The following DNAI7 variants were observed in gnomAD, a reference collection of about 807,000 sequenced individuals.
DNAI7 encodes the protein cancer susceptibility 1.
In DNAI7, 78 loss-of-function variants were observed where a neutral mutation model predicts 86.6. The observed-to-expected ratio is 0.90, with a 90% CI of 0.75 to 1.09. The LOEUF (loss-of-function observed/expected upper bound fraction) is 1.09. Ranked by LOEUF, DNAI7 falls within the 50% of genes least tolerant of loss-of-function variation. The pLI is 0.00. For missense variants in DNAI7, 753 were observed against 810.2 expected, an observed-to-expected ratio of 0.93 and a Z score of 0.86; for synonymous variants, 274 against 273.0, an observed-to-expected ratio of 1.00 and a Z score of -0.04.
intron 12 of DNAI7, among the ~76,000 whole-genome samples, chr12:25,116,088 T>TC (rs1940028984): frequency 1.3e-5 from 2 of 150,664 alleles, no homozygotes; most frequent in Admixed American, 6.6e-5. Context: ...TTCTTTCTTT[T>TC]TTTTTTTTTT....
chr12:25,178,438 C>G (rs2141252327), intron 2 of DNAI7, among the ~76,000 whole-genome samples: 1 of 152,126 alleles, frequency 6.6e-6, no homozygotes, highest in African/African-American at 2.4e-5. Context: ...CCTTTTCATT[C>G]TTAATATTTA....
rs369432594 is a variant in DNAI7, at chr12:25,120,445, G to A, written c.1240-1144C>T. On this transcript the variant is annotated intron_variant, in intron 11 of 15. Coordinates refer to ENST00000395987, the MANE Select transcript of DNAI7 (RefSeq NM_018272.5). ...AAGTTAAAAATAAACCAAGTCGGCC[G>A]GGCGCGGTGGCTCACGCCTGTAATC... Among the ~76,000 whole-genome samples, 212 of 152,180 alleles carry A rather than the reference G, an allele frequency of 1.4e-3. 3 individuals carry two copies. The highest frequency in any genetic ancestry group is 4.9e-3 in the African/African-American group (204 of 41,542).
chr12:25,128,780 AT>A (rs1196583949), intron 9 of DNAI7, among the ~76,000 whole-genome samples: 23 of 152,290 alleles, frequency 1.5e-4, no homozygotes, highest in Non-Finnish European at 8.8e-5. Context: ...CCAAACCACC[AT>A]GACTTATTAC....
intron 9 of DNAI7, among the ~76,000 whole-genome samples, chr12:25,124,453 T>C (rs745449506): frequency 3.3e-5 from 5 of 152,010 alleles, no homozygotes; most frequent in Non-Finnish European, 7.4e-5. Flanking sequence ...TTCCAGACTA[T>C]TAGGGAAGCA....
intron 1 of DNAI7, among the ~76,000 whole-genome samples, chr12:25,192,476 C>CT (rs1350235000): frequency 6.6e-6 from 1 of 152,166 alleles, no homozygotes; most frequent in Non-Finnish European, 1.5e-5. Context: ...TGTATGCTCA[C>CT]TTCTCTTCCT....
At chr12:25,154,726 T>A (rs909758199) in intron 5 of DNAI7, among the ~76,000 whole-genome samples, 1 of 152,248 alleles carries the variant, frequency 6.6e-6, no homozygotes, top group Non-Finnish European at 1.5e-5. Context: ...AGTTTTGTTT[T>A]GCTTAGTTTT....
At chr12:25,183,299 G>C (rs942906635) in intron 2 of DNAI7, among the ~76,000 whole-genome samples, 23 of 151,828 alleles carry the variant, frequency 1.5e-4, no homozygotes, top group African/African-American at 5.6e-4. Flanking sequence ...TTTGAGCAAT[G>C]GTTTCACCAG....
intron 2 of DNAI7, among the ~76,000 whole-genome samples, chr12:25,181,933 C>T (rs1448530692): frequency 6.6e-6 from 1 of 152,010 alleles, no homozygotes; most frequent in East Asian, 1.9e-4. Context: ...TTAGTTCAAC[C>T]CCTATTGAAA....
chr12:25,117,413 AG>A (rs1940337981), intron 12 of DNAI7, among the ~76,000 whole-genome samples: 2 of 152,226 alleles, frequency 1.3e-5, no homozygotes, highest in African/African-American at 4.8e-5. Context: ...TAACTAAATA[AG>A]TAGATTATGT....
chr12:25,194,980 G>C, intron 1 of DNAI7, 96 bp downstream of exon 1: 3 of 1,614,248 alleles, frequency 1.9e-6, no homozygotes, highest in Non-Finnish European at 2.5e-6. Context: ...CCGCTTCGCT[G>C]TAAAATATGA....
At chr12:25,157,758 C>T (rs1212970074) in intron 4 of DNAI7, among the ~76,000 whole-genome samples, 1 of 151,650 alleles carries the variant, frequency 6.6e-6, no homozygotes, top group South Asian at 2.1e-4. Flanking sequence ...CAGAATATTT[C>T]AGAATTACTG....
chr12:25,161,719 A>G (rs1946856682), intron 2 of DNAI7, among the ~76,000 whole-genome samples: 1 of 152,214 alleles, frequency 6.6e-6, no homozygotes. Flanking sequence ...TTTACCATTC[A>G]GAGAAGATAT....
At chr12:25,185,451 T>A (rs746164289) in intron 2 of DNAI7, among the ~76,000 whole-genome samples, 1 of 152,214 alleles carries the variant, frequency 6.6e-6, no homozygotes, top group Non-Finnish European at 1.5e-5. Context: ...TTTAGCTCAT[T>A]TGAAGTATAA....
rs964980154 is a variant in DNAI7 at position 25,119,224 on chromosome 12, T to C, written c.1317A>G (p.Pro439=). The change falls in exon 12 of 16, where the codon CCA becomes CCG. Residue 439 remains proline, a synonymous_variant. Transcript: ENST00000395987. ...GAACCTCAAGTGTGACCTCTATAGG[T>C]GGGAAAGCATTTTCTGTCTCAAACT... The part of the protein sequence containing the change: ...TEEFETENAF[P]PIEVTLEVHE... 8 of 1,612,752 alleles carry C rather than the reference T, an allele frequency of 5.0e-6. No individual in the cohort carries two copies. Among genetic ancestry groups the C allele is most frequent in the Non-Finnish European group, 6.8e-6 (8 of 1,179,028 alleles).
intron 2 of DNAI7, among the ~76,000 whole-genome samples, chr12:25,167,670 C>T (rs1330244757): frequency 2.0e-5 from 3 of 152,158 alleles, no homozygotes; most frequent in Non-Finnish European, 1.5e-5. Flanking sequence ...CCTATACCTC[C>T]GAACTTCCTT....
At position 25,119,178 on chromosome 12, in the gene DNAI7, C is replaced by CA; in HGVS notation, c.1362dup (p.Glu455Ter). ...TCCCACCTTACAACCACAGGATCCT[C>CA]AAAAAAGATTACATTCTCATGAACC... On this transcript the variant is annotated frameshift_variant, in exon 12 of 16. Coordinates refer to ENST00000395987, the MANE Select transcript of DNAI7 (RefSeq NM_018272.5). LOFTEE classifies it high-confidence loss of function. 1 of 1,610,182 alleles carries CA rather than the reference C, an allele frequency of 6.2e-7. No homozygotes were observed. Among genetic ancestry groups the CA allele is most frequent in the Middle Eastern group, 1.7e-4 (1 of 6,040 alleles).
chr12:25,185,856 T>A, intron 2 of DNAI7: 1 of 426,452 alleles, frequency 2.3e-6, no homozygotes, highest in Non-Finnish European at 3.1e-6. Context: ...TTCATTACAG[T>A]CCCATTCCTG....
Position 25,161,148 on chromosome 12 carries a change from A to G in DNAI7, c.71T>C (p.Leu24Pro). 6.2e-7 allele frequency: 1 copy of G among 1,613,920 alleles called. No homozygotes were observed. Among genetic ancestry groups the G allele is most frequent in the Non-Finnish European group, 8.5e-7 (1 of 1,179,892 alleles). The part of the protein sequence containing the change: ...KVTKAERLKL[L>P]QEEEERRLKE... ...CAGTCGTCTCTCCTCCTCCTCTTGT[A>G]GCAGCTTCAATCGTTCAGCTTTGGT... Residue 24 changes from leucine to proline, a missense_variant, in exon 3 of 16, where the codon CTA (leucine) becomes CCA (proline). Coordinates refer to ENST00000395987, the MANE Select transcript of DNAI7 (RefSeq NM_018272.5).
chr12:25,108,668 A>T lies in DNAI7; in HGVS notation c.2049T>A (p.Tyr683Ter), dbSNP rs1399706052. Reference sequence around the variant, plus strand: ...CAGAAGCAAAATCCTTCACCATGTGATATAAAGTAGAATGAAACTCAGTTT... The same window carrying T: ...CAGAAGCAAAATCCTTCACCATGTGTTATAAAGTAGAATGAAACTCAGTTT... Reference protein sequence around the residue: ...KEETEFHSTLYHMVKDFASEE... With the variant: ...KEETEFHSTL The change falls in exon 16 of 16, where the codon TAT becomes TAA. Residue 683 changes from tyrosine to a stop codon, truncating the protein, a stop_gained. Transcript: ENST00000395987. LOFTEE classifies it low-confidence loss of function (END_TRUNC). 6 of 1,613,858 alleles carry T rather than the reference A, an allele frequency of 3.7e-6. No homozygotes were observed. The highest frequency in any genetic ancestry group is 1.6e-4 in the Middle Eastern group (1 of 6,062).
Sources: allele counts gnomAD v4.1 joint callset (sites outside exome capture counted in the v4.1 genomes callset), GRCh38; gene constraint gnomAD v4.1.1; transcripts MANE v1.5; gene names NCBI Gene and HGNC (gene_info 2026-07-23, HGNC 2026-07-21).